FRMD6: variants seen among roughly 807,000 people sequenced by gnomAD.
The protein encoded by FRMD6 is FERM domain-containing protein 6.
A neutral mutation model predicts 73.2 loss-of-function variants in FRMD6; 37 were observed. The ratio of observed to expected loss-of-function variants is 0.51; its 90% CI spans 0.39 to 0.66. FRMD6 has a LOEUF of 0.66. Ranked by LOEUF, FRMD6 falls within the 30% of genes least tolerant of loss-of-function variation. The pLI, the probability that FRMD6 is intolerant of heterozygous loss-of-function variation, is 0.00. For synonymous variants in FRMD6, 273 were observed against 282.2 expected (o/e 0.97, Z 0.33); for missense variants, 714 against 780.5 (o/e 0.91, Z 1.02).
the FRMD6 span, among the ~76,000 whole-genome samples, chr14:51,426,631 A>C: frequency 6.6e-6 from 1 of 152,252 alleles, no homozygotes; most frequent in South Asian, 2.1e-4. Context: ...CCTTGAATGC[A>C]GATCAGCTAC....
At chr14:51,512,520 G>A (rs1884371580) in intron 1 of FRMD6, among the ~76,000 whole-genome samples, 1 of 152,170 alleles carries the variant, frequency 6.6e-6, no homozygotes, top group Non-Finnish European at 1.5e-5. Flanking sequence ...GGCTGCCACT[G>A]GAGAATTTTC....
At chr14:51,456,247 C>T in the FRMD6 span, among the ~76,000 whole-genome samples, 2 of 151,774 alleles carry the variant, frequency 1.3e-5, no homozygotes, top group South Asian at 4.2e-4. Flanking sequence ...GGTTTGTTGC[C>T]CTTATCAACC....
chr14:51,566,082 A>ACT (rs1887756807), intron 1 of FRMD6, among the ~76,000 whole-genome samples: 1 of 152,146 alleles, frequency 6.6e-6, no homozygotes, highest in Non-Finnish European at 1.5e-5. Flanking sequence ...GGAGAATGGC[A>ACT]TGAACCCAGG....
chr14:51,609,623 A>G (rs1168732812), intron 2 of FRMD6, among the ~76,000 whole-genome samples: 1 of 152,242 alleles, frequency 6.6e-6, no homozygotes, highest in African/African-American at 2.4e-5. Flanking sequence ...GAGAGATTAA[A>G]GAGCTTATAG....
chr14:51,492,099 T>A (rs1021546956), intron 1 of FRMD6, among the ~76,000 whole-genome samples: 2 of 152,264 alleles, frequency 1.3e-5, no homozygotes, highest in Non-Finnish European at 2.9e-5. Flanking sequence ...ACTATGCTGC[T>A]GTTTCCGGAG....
chr14:51,690,290 T>C (rs961372720), intron 2 of FRMD6, among the ~76,000 whole-genome samples: 1 of 152,248 alleles, frequency 6.6e-6, no homozygotes, highest in Non-Finnish European at 1.5e-5. Flanking sequence ...TAATCATCGC[T>C]ATTAGGTTGG....
chr14:51,539,533 A>G (rs1886089889), intron 1 of FRMD6, among the ~76,000 whole-genome samples: 1 of 152,204 alleles, frequency 6.6e-6, no homozygotes, highest in Non-Finnish European at 1.5e-5. Context: ...TGCACCTATC[A>G]CAAAGAACTT....
chr14:51,621,289 T>C (rs542192516), intron 2 of FRMD6, among the ~76,000 whole-genome samples: 1 of 152,314 alleles, frequency 6.6e-6, no homozygotes, highest in South Asian at 2.1e-4. Context: ...TAGAGCTGTC[T>C]TGACATCCTC....
chr14:51,707,923 A>G (rs909131662), intron 6 of FRMD6, among the ~76,000 whole-genome samples, 155 bp from the exon 7 acceptor site: 1 of 152,182 alleles, frequency 6.6e-6, no homozygotes, highest in African/African-American at 2.4e-5. Context: ...GCCTAGTAAC[A>G]TAACAGATGG....
chr14:51,539,844 G>A (rs766146882), intron 1 of FRMD6, among the ~76,000 whole-genome samples: 8 of 152,130 alleles, frequency 5.3e-5, no homozygotes, highest in Non-Finnish European at 1.0e-4. Flanking sequence ...GAGGGTGGGG[G>A]GAGTAGAGGA....
At chr14:51,489,561 C>A (rs371868727) in intron 1 of FRMD6, 2 of 152,286 alleles carry the variant, frequency 1.3e-5, no homozygotes, top group East Asian at 1.9e-4. Context: ...CCAGCCCAAA[C>A]TGCTGAGGGA....
intron 1 of FRMD6, among the ~76,000 whole-genome samples, chr14:51,672,489 A>G (rs370117727): frequency 6.6e-6 from 1 of 152,172 alleles, no homozygotes; most frequent in South Asian, 2.1e-4. Flanking sequence ...AAGGGCACCC[A>G]TTTTTCTTCA....
At chr14:51,505,146 A>T (rs1950919) in intron 1 of FRMD6, among the ~76,000 whole-genome samples, 95,835 of 152,120 alleles carry the variant, frequency 0.63, 31,848 homozygotes, top group African/African-American at 0.85. Flanking sequence ...TGAGAGAACT[A>T]AGAAAGGCTT....
chr14:51,721,885 G>T (rs1897639370), intron 11 of FRMD6, 64 bp from the exon 12 acceptor site: 2 of 1,561,148 alleles, frequency 1.3e-6, no homozygotes, highest in Non-Finnish European at 1.8e-6. Context: ...TCAAAATATG[G>T]TTGCATATTA....
At chr14:51,554,061 C>G (rs1886985924) in intron 1 of FRMD6, among the ~76,000 whole-genome samples, 1 of 151,990 alleles carries the variant, frequency 6.6e-6, no homozygotes, top group African/African-American at 2.4e-5. Flanking sequence ...CTAGGGCACC[C>G]TGTAGAGCCA....
intron 1 of FRMD6, among the ~76,000 whole-genome samples, chr14:51,688,908 CTGA>C (rs1566566066): frequency 6.6e-6 from 1 of 152,024 alleles, no homozygotes; most frequent in Non-Finnish European, 1.5e-5. Context: ...TGTCAAAAAC[CTGA>C]TAAGTTAAAC....
chr14:51,535,909 T>C (rs1395080897), intron 1 of FRMD6, among the ~76,000 whole-genome samples: 1 of 152,050 alleles, frequency 6.6e-6, no homozygotes, highest in Non-Finnish European at 1.5e-5. Context: ...GAAGTGGGTC[T>C]GATTTGTGTT....
At chr14:51,506,766 G>A (rs1490159877) in intron 1 of FRMD6, among the ~76,000 whole-genome samples, 2 of 152,150 alleles carry the variant, frequency 1.3e-5, no homozygotes, top group East Asian at 3.8e-4. Context: ...CCTAGTGACA[G>A]CTGAAACATC....
chr14:51,589,002 C>T (rs1371259913), intron 2 of FRMD6, among the ~76,000 whole-genome samples: 2 of 152,208 alleles, frequency 1.3e-5, no homozygotes, highest in Non-Finnish European at 2.9e-5. Flanking sequence ...TGATATTAAA[C>T]ACCCATGGGA....
Sources: gnomAD v4.1 joint callset for allele counts (sites outside exome capture counted in the v4.1 genomes callset) on GRCh38, gnomAD v4.1.1 for gene constraint, MANE v1.5 for transcripts, NCBI Gene and HGNC (gene_info 2026-07-23, HGNC 2026-07-21) for gene names.